METTL16: variants seen among roughly 807,000 people sequenced by gnomAD.
METTL16 encodes the protein RNA N(6)-adenosine-methyltransferase METTL16.
Under a neutral mutation model 57.9 loss-of-function variants are expected in METTL16, and 19 were observed. The ratio of observed to expected loss-of-function variants is 0.33; its 90% CI spans 0.23 to 0.48. The LOEUF (loss-of-function observed/expected upper bound fraction) is 0.48, where lower values mean the gene tolerates loss of function less well. Ranked by LOEUF, METTL16 falls within the 20% of genes least tolerant of loss-of-function variation. METTL16 has a pLI of 0.99. For missense variants in METTL16, 434 were observed against 691.5 expected (o/e 0.63, Z 4.18); for synonymous variants, 246 against 255.6 (o/e 0.96, Z 0.36).
At chr17:2,452,782 C>T (rs2067080670) in intron 6 of METTL16, among the ~76,000 whole-genome samples, 2 of 152,188 alleles carry the variant, frequency 1.3e-5, no homozygotes, top group Admixed American at 6.6e-5. Flanking sequence ...CAGTTACAGA[C>T]ATCAACATGT....
At chr17:2,470,671 C>T (rs957855893) in intron 4 of METTL16, among the ~76,000 whole-genome samples, 3 of 152,058 alleles carry the variant, frequency 2.0e-5, no homozygotes, top group South Asian at 2.1e-4. Flanking sequence ...ATTAGCCAGG[C>T]GTGGTGGCAC....
chr17:2,505,320 C>T (rs1018963217), intron 1 of METTL16, among the ~76,000 whole-genome samples: 15 of 147,948 alleles, frequency 1.0e-4, no homozygotes, highest in Admixed American at 8.9e-4. Context: ...ATCACCACTT[C>T]TGTAGGTTTT....
At chr17:2,488,961 A>G (rs539805352) in intron 2 of METTL16, among the ~76,000 whole-genome samples, 1 of 152,346 alleles carries the variant, frequency 6.6e-6, no homozygotes, top group Admixed American at 6.5e-5. Flanking sequence ...TCATGGGTCA[A>G]ATAAGCAATT....
intron 2 of METTL16, among the ~76,000 whole-genome samples, chr17:2,500,531 C>G (rs1461313658): frequency 6.6e-6 from 1 of 152,144 alleles, no homozygotes; most frequent in Non-Finnish European, 1.5e-5. Context: ...ATCCGCCCAC[C>G]TTGGCCTCCC....
intron 2 of METTL16, among the ~76,000 whole-genome samples, chr17:2,484,746 G>A (rs901890274): frequency 1.3e-5 from 2 of 151,996 alleles, no homozygotes; most frequent in African/African-American, 4.8e-5. Context: ...TGCCTGCCTC[G>A]GCCTCCCAAA....
At chr17:2,446,887 G>A (rs1010718461) in intron 6 of METTL16, among the ~76,000 whole-genome samples, 14 of 152,104 alleles carry the variant, frequency 9.2e-5, no homozygotes, top group Non-Finnish European at 1.6e-4. Flanking sequence ...TCAGTGCTCA[G>A]TGGTGCCCAG....
intron 6 of METTL16, among the ~76,000 whole-genome samples, chr17:2,442,741 T>G (rs1395001341): frequency 2.0e-5 from 3 of 152,168 alleles, no homozygotes; most frequent in African/African-American, 7.2e-5. Context: ...AACAACTTTT[T>G]GCCAATAAAT....
chr17:2,448,589 C>A (rs2067035153), intron 6 of METTL16, among the ~76,000 whole-genome samples: 1 of 82,388 alleles, frequency 1.2e-5, no homozygotes, highest in African/African-American at 5.4e-5. Context: ...CTTAAGTACC[C>A]AGGGACACAA....
Position 2,451,495 on chromosome 17 carries a change from C to T in METTL16, c.729-9936G>A, listed in dbSNP as rs566816760. ...AATTTAGCTGGTGTGGTGGTGCGCA[C>T]CTGTAGTTCCAGGTACGCAGGAGGC... On this transcript the variant is annotated intron_variant, in intron 6 of 9. Coordinates refer to ENST00000263092, the MANE Select transcript of METTL16 (RefSeq NM_024086.4). 1.1e-4 allele frequency among the ~76,000 whole-genome samples: 17 copies of T among 151,986 alleles called. No homozygotes were observed. In the South Asian group the frequency reaches 3.3e-3, roughly 30 times the overall value.
At chr17:2,474,474 C>T (rs772745985) in intron 3 of METTL16, among the ~76,000 whole-genome samples, 5 of 151,344 alleles carry the variant, frequency 3.3e-5, no homozygotes, top group South Asian at 2.1e-4. Flanking sequence ...TTTGGAGCCA[C>T]GACATCAGAG....
At chr17:2,491,223 A>G (rs1172180123) in intron 2 of METTL16, among the ~76,000 whole-genome samples, 2 of 152,170 alleles carry the variant, frequency 1.3e-5, no homozygotes, top group Non-Finnish European at 1.5e-5. Context: ...CGTGAAAATC[A>G]GCAGTTTATT....
intron 2 of METTL16, among the ~76,000 whole-genome samples, chr17:2,488,418 T>C (rs1461968293): frequency 3.3e-5 from 5 of 151,346 alleles, no homozygotes; most frequent in Admixed American, 2.0e-4. Context: ...TTAGCCAGGC[T>C]TGGTGGTGGG....
At chr17:2,431,836 T>C (rs554008605) in intron 8 of METTL16, among the ~76,000 whole-genome samples, 75 of 152,334 alleles carry the variant, frequency 4.9e-4, no homozygotes, top group Non-Finnish European at 7.8e-4. Flanking sequence ...TTGCCATAAT[T>C]TGTAGAAATA....
chr17:2,484,661 A>C (rs1165649334), intron 2 of METTL16, among the ~76,000 whole-genome samples: 1 of 152,012 alleles, frequency 6.6e-6, no homozygotes, highest in African/African-American at 2.4e-5. Context: ...TGCCCGGCTA[A>C]TTTTGTATTT....
At chr17:2,429,078 G>T (rs547303790) in intron 8 of METTL16, among the ~76,000 whole-genome samples, 1 of 151,810 alleles carries the variant, frequency 6.6e-6, no homozygotes, top group Admixed American at 6.6e-5. Flanking sequence ...GGCTGGTCTC[G>T]AACTCCCGAC....
At chr17:2,461,780 T>A (rs1244561116) in intron 6 of METTL16, among the ~76,000 whole-genome samples, 1 of 152,158 alleles carries the variant, frequency 6.6e-6, no homozygotes, top group African/African-American at 2.4e-5. Context: ...GGTTTCACCA[T>A]GTTGGTGAGG....
In METTL16 at chr17:2,438,094, A is replaced by C; in HGVS notation, c.888+15T>G. ...GTGCTGGCAGGTGGTGAAGCGGAGC[A>C]AGGTCTGTACTTACTGGTACTGTGA... On this transcript the variant is annotated intron_variant, in intron 8 of 9. Transcript: ENST00000263092. 6.3e-7 allele frequency: 1 copy of C among 1,592,646 alleles called. No individual in the cohort carries two copies. Among genetic ancestry groups the C allele is most frequent in the African/African-American group, 1.3e-5 (1 of 74,586 alleles).
intron 8 of METTL16, among the ~76,000 whole-genome samples, chr17:2,435,452 G>A (rs1051267340): frequency 3.3e-5 from 5 of 152,164 alleles, no homozygotes; most frequent in African/African-American, 9.7e-5. Flanking sequence ...GAGAGGTCTA[G>A]GAAGAGGGAA....
chr17:2,471,065 A>C (rs1256816974), intron 4 of METTL16, among the ~76,000 whole-genome samples: 7 of 152,216 alleles, frequency 4.6e-5, no homozygotes, highest in Non-Finnish European at 7.3e-5. Flanking sequence ...TGATACTGGC[A>C]CATCACTTGG....
Sources: allele counts gnomAD v4.1 joint callset (sites outside exome capture counted in the v4.1 genomes callset), GRCh38; gene constraint gnomAD v4.1.1; transcripts MANE v1.5; gene names NCBI Gene and HGNC (gene_info 2026-07-23, HGNC 2026-07-21).